Variants in OGDHL observed in about 807,000 individuals in gnomAD.
OGDHL encodes oxoglutarate dehydrogenase L.
OGDHL carries 79 observed loss-of-function variants against 109.6 expected under a neutral mutation model. The observed-to-expected ratio is 0.72, with a 90% confidence interval of 0.60 to 0.87. The LOEUF (loss-of-function observed/expected upper bound fraction) is 0.87. Among genes scored for constraint, OGDHL ranks in the 40% least tolerant of loss-of-function variants. The pLI, the probability that OGDHL is intolerant of heterozygous loss-of-function variation, is 0.00. For missense variants in OGDHL, 1,275 were observed against 1,362.2 expected, an observed-to-expected ratio of 0.94 and a Z score of 1.01; for synonymous variants, 528 against 537.2, an observed-to-expected ratio of 0.98 and a Z score of 0.24.
rs771664733 is a variant in OGDHL at position 49,758,454 on chromosome 10, C to T, written c.139G>A (p.Gly47Ser). ...PATFPSSKGG[G>S]GSSYMEEMYF... Reference sequence around the variant, plus strand: ...ATCTCCTCCATGTAACTGGAGCCGCCTCCACCTTTGCTGCTTGGGAAGGTG... The same window carrying T: ...ATCTCCTCCATGTAACTGGAGCCGCTTCCACCTTTGCTGCTTGGGAAGGTG... The change falls in exon 2 of 23, where the codon GGC becomes AGC. Residue 47 changes from glycine (G) to serine (S), a missense_variant. Coordinates refer to ENST00000374103, the MANE Select transcript of OGDHL (RefSeq NM_018245.3). The T allele has an allele frequency of 2.3e-5, 37 of 1,613,860 alleles. No homozygotes were observed. In the East Asian group the frequency reaches 2.5e-4, roughly 11 times the overall value.
chr10:49,746,365 G>A (rs1158818923), intron 10 of OGDHL, among the ~76,000 whole-genome samples: 3 of 152,188 alleles, frequency 2.0e-5, no homozygotes, highest in South Asian at 2.1e-4. Flanking sequence ...GTTCAAGGAC[G>A]ATGACGTGAC....
chr10:49,740,726 C>T lies in OGDHL; in HGVS notation c.2124G>A (p.Ser708=), dbSNP rs575210187. 3.9e-5 allele frequency: 63 copies of T among 1,613,756 alleles called. No individual in the cohort carries two copies. In the South Asian group the frequency reaches 4.5e-4, roughly 12 times the overall value. Residue 708 remains serine (S), a synonymous_variant, in exon 16 of 23, where the codon TCG becomes TCA. Transcript: ENST00000374103. ...TGGACCCACCCAGGACTCCGTACTC[C>T]GAGAGGGAGCTGTTGCACACGGTGT... ...APYTVCNSSL[S]EYGVLGFELG...
chr10:49,752,263 G>A lies in OGDHL; in HGVS notation c.479-15C>T, dbSNP rs187088707. The A allele has an allele frequency of 1.2e-4, 195 of 1,602,374 alleles. No individual in the cohort carries two copies. The highest frequency in any genetic ancestry group is 1.6e-4 in the East Asian group (7 of 44,776). On this transcript the variant is annotated splice_polypyrimidine_tract_variant and intron_variant, in intron 4 of 22. Coordinates refer to ENST00000374103, the MANE Select transcript of OGDHL (RefSeq NM_018245.3). Reference sequence around the variant, plus strand: ...GTCATAGAAGGCTGGAGAAGGAGGCGTGGCCGAGCCCCGGGCAGCAAAGTG... The same window carrying A: ...GTCATAGAAGGCTGGAGAAGGAGGCATGGCCGAGCCCCGGGCAGCAAAGTG...
intron 15 of OGDHL, among the ~76,000 whole-genome samples, chr10:49,742,130 C>A (rs1411216830): frequency 1.4e-5 from 2 of 139,098 alleles, no homozygotes; most frequent in South Asian, 2.3e-4. Context: ...ACACACCCTA[C>A]ACACACACCA....
intron 15 of OGDHL, among the ~76,000 whole-genome samples, chr10:49,741,880 TACCACAC>T: frequency 9.1e-6 from 1 of 110,490 alleles, no homozygotes; most frequent in East Asian, 2.9e-4. Context: ...ACACCACACA[TACCACAC>T]ACACCACACA....
rs1284533896 is a variant in OGDHL at position 49,750,960 on chromosome 10, A to G, written c.775T>C (p.Trp259Arg). ...MRFEDFLARK[W>R]SSEKRFGLEG... ...AGGCCAAACCGCTTCTCTGAGGACC[A>G]TTTCCGGGCCAGGAAGTCTTCAAAC... The change falls in exon 7 of 23, where the codon TGG becomes CGG. Residue 259 changes from tryptophan to arginine, a missense_variant. Trp to Arg is a moderately radical substitution (Grantham distance 101). Coordinates refer to ENST00000374103, the MANE Select transcript of OGDHL (RefSeq NM_018245.3). The G allele has an allele frequency of 6.2e-7, 1 of 1,607,516 alleles. No homozygotes were observed. Among genetic ancestry groups the G allele is most frequent in the East Asian group, 2.2e-5 (1 of 44,734 alleles).
rs1254391784 is a variant in OGDHL at position 49,745,386 on chromosome 10, G to A, written c.1587C>T (p.Asp529=). The A allele has an allele frequency of 6.2e-7, 1 of 1,613,980 alleles. No individual in the cohort carries two copies. The change falls in exon 12 of 23, where the codon GAC becomes GAT. Residue 529 remains aspartate, a synonymous_variant. Transcript: ENST00000374103. ...RQVPVLKKYA[D]KLIAEGTVTL... is the part of the protein sequence containing the mutation. ...TGACTGTGCCCTCGGCAATCAGCTTGTCTGCGTACTTCTTCAGCACAGGCA... is the reference window on the plus strand; with the variant it reads ...TGACTGTGCCCTCGGCAATCAGCTTATCTGCGTACTTCTTCAGCACAGGCA...
At chr10:49,749,172 G>C (rs1312179339) in intron 8 of OGDHL, among the ~76,000 whole-genome samples, 1 of 152,104 alleles carries the variant, frequency 6.6e-6, no homozygotes, top group Non-Finnish European at 1.5e-5. Context: ...TCATGCCATT[G>C]CACTCCAGCC....
chr10:49,758,283 A>C (rs112124548), intron 2 of OGDHL, 106 bp downstream of exon 2: 1 of 1,152,758 alleles, frequency 8.7e-7, no homozygotes, highest in Non-Finnish European at 1.2e-6. Flanking sequence ...AAACCTGCCC[A>C]GGATCACACA....
chr10:49,761,147 A>G (rs1843249116), intron 1 of OGDHL, among the ~76,000 whole-genome samples: 1 of 152,054 alleles, frequency 6.6e-6, no homozygotes, highest in African/African-American at 2.4e-5. Context: ...ACAGTCAAGG[A>G]CAGCAACAAG....
At position 49,742,974 on chromosome 10, in the gene OGDHL, G is replaced by C; in HGVS notation, c.1866C>G (p.Leu622=). 6.2e-7 allele frequency: 1 copy of C among 1,612,728 alleles called. No homozygotes were observed. Among genetic ancestry groups the C allele is most frequent in the Non-Finnish European group, 8.5e-7 (1 of 1,179,900 alleles). The change falls in exon 15 of 23, where the codon CTC becomes CTG. Residue 622 remains leucine (L), a synonymous_variant. Coordinates refer to ENST00000374103, the MANE Select transcript of OGDHL (RefSeq NM_018245.3). ...PLEDFKIHTG[L]SRILRGRADM... ...CCGCACGGCCCCGCAGAATGCGAGA[G>C]AGGCCTGTGGGAAAGGAGTGCTGGC...
Position 49,742,925 on chromosome 10 carries a change from C to T in OGDHL, c.1915G>A (p.Asp639Asn), listed in dbSNP as rs1245828831. The T allele has an allele frequency of 1.2e-6, 2 of 1,613,932 alleles. No homozygotes were observed. Among genetic ancestry groups the T allele is most frequent in the Admixed American group, 3.3e-5 (2 of 60,006 alleles). ...GCCATGTACTCTGCCAACGCCCAGT[C>T]CACCGTCCGGTTCTTGGTCATGTCC... Reference protein sequence around the residue: ...RADMTKNRTVDWALAEYMAFG... With the variant: ...RADMTKNRTVNWALAEYMAFG... Residue 639 changes from aspartate (D) to asparagine (N), a missense_variant, in exon 15 of 23, where the codon GAC becomes AAC. Physicochemically the swap from Asp to Asn is conservative, Grantham distance 23. Transcript: ENST00000374103.
intron 18 of OGDHL, 53 bp from the exon 19 acceptor site, chr10:49,738,125 C>T: frequency 6.2e-7 from 1 of 1,614,030 alleles, no homozygotes; most frequent in Non-Finnish European, 8.5e-7. Flanking sequence ...CACCCACACC[C>T]TGGACCCCTA....
intron 7 of OGDHL, 95 bp downstream of exon 7, chr10:49,750,744 C>T (rs764574043): frequency 1.4e-6 from 2 of 1,442,272 alleles, no homozygotes; most frequent in African/African-American, 1.4e-5. Flanking sequence ...CCAGGTCCCA[C>T]CAACACCTCC....
chr10:49,748,044 C>G (rs1377966494), intron 8 of OGDHL, among the ~76,000 whole-genome samples: 2 of 143,974 alleles, frequency 1.4e-5, no homozygotes, highest in African/African-American at 4.9e-5. Flanking sequence ...GGGGCTCTGG[C>G]ACCATCACAC....
intron 15 of OGDHL, among the ~76,000 whole-genome samples, chr10:49,742,337 ACACCACACATG>A (rs968108309): frequency 7.8e-5 from 10 of 128,592 alleles, no homozygotes; most frequent in African/African-American, 2.8e-4. Flanking sequence ...CACACGACAC[ACACCACACATG>A]CACCACACAA....
chr10:49,740,972 A>G, intron 15 of OGDHL, 135 bp from the exon 16 acceptor site: 3 of 1,121,192 alleles, frequency 2.7e-6, no homozygotes, highest in Non-Finnish European at 3.8e-6. Flanking sequence ...GTCCCACAAC[A>G]TGGCATCCAA....
intron 2 of OGDHL, 25 bp downstream of exon 2, chr10:49,758,364 C>T (rs2132268462): frequency 6.3e-7 from 1 of 1,589,968 alleles, no homozygotes; most frequent in Non-Finnish European, 8.6e-7. Flanking sequence ...CTTGCGGTGG[C>T]CCAGGGTAGG....
Position 49,735,316 on chromosome 10 carries a change from G to A in OGDHL, c.2945C>T (p.Thr982Ile). The change falls in exon 23 of 23, where the codon ACA (threonine) becomes ATA (isoleucine). Residue 982 changes from threonine (T) to isoleucine (I), a missense_variant. Transcript: ENST00000374103. ...CACCAGGTGAGTGTTCCTGTTTCCT[G>A]TGGCTGGTGCAGCCGCTGGGTCCCG... The part of the protein sequence containing the change: ...VGRDPAAAPA[T>I]GNRNTHLVSL... 6.2e-7 allele frequency: 1 copy of A among 1,614,002 alleles called. No homozygotes were observed. The highest frequency in any genetic ancestry group is 8.5e-7 in the Non-Finnish European group (1 of 1,180,014).
Sources: allele counts gnomAD v4.1 joint callset (sites outside exome capture counted in the v4.1 genomes callset), GRCh38; gene constraint gnomAD v4.1.1; transcripts MANE v1.5; gene names NCBI Gene and HGNC (gene_info 2026-07-23, HGNC 2026-07-21).